The following ANXA10 variants were observed in gnomAD, a reference collection of about 807,000 sequenced individuals.
ANXA10 encodes annexin 14.
A neutral mutation model predicts 53.5 loss-of-function variants in ANXA10; 49 were observed. The observed-to-expected ratio is 0.92, with a 90% CI of 0.73 to 1.16. The LOEUF is 1.16. Among genes scored for constraint, ANXA10 ranks in the 50% most tolerant of loss-of-function variants. The pLI, the probability that ANXA10 is intolerant of heterozygous loss-of-function variation, is 0.00. For synonymous variants in ANXA10, 131 were observed against 128.9 expected, an observed-to-expected ratio of 1.02 and a Z score of -0.11; for missense variants, 393 against 394.4, an observed-to-expected ratio of 1.00 and a Z score of 0.03.
At chr4:168,147,477 A>G (rs1484667410) in intron 3 of ANXA10, among the ~76,000 whole-genome samples, 1 of 152,190 alleles carries the variant, frequency 6.6e-6, no homozygotes, top group African/African-American at 2.4e-5. Context: ...GAAAGTGATC[A>G]TTAGGCTTAT....
chr4:168,112,049 T>A (rs570824664), intron 1 of ANXA10, among the ~76,000 whole-genome samples: 33 of 152,212 alleles, frequency 2.2e-4, no homozygotes, highest in African/African-American at 7.0e-4. Flanking sequence ...CCTAGCACAC[T>A]CTGGGAGGCC....
chr4:168,165,154 T>A, intron 5 of ANXA10, 93 bp from the exon 6 acceptor site: 3 of 719,482 alleles, frequency 4.2e-6, no homozygotes, highest in Non-Finnish European at 6.6e-6. Context: ...CTGGACTTTG[T>A]ACTCACAACT....
intron 1 of ANXA10, among the ~76,000 whole-genome samples, chr4:168,125,834 A>C (rs1385548242): frequency 6.6e-6 from 1 of 152,162 alleles, no homozygotes; most frequent in African/African-American, 2.4e-5. Context: ...GTGGCTGTTT[A>C]TTCTGTCTTC....
Position 168,165,296 on chromosome 4 carries a change from C to G in ANXA10, c.450C>G (p.His150Gln). ...QEDIYSETSG[H>Q]FRDTLMNLVQ... ...ACATTTATTCAGAGACCTCAGGACA[C>G]TTCAGAGATACTCTCATGAACTTGG... The change falls in exon 6 of 12, where the codon CAC becomes CAG. Residue 150 changes from histidine (H) to glutamine (Q), a missense_variant. His to Gln is a conservative substitution (Grantham distance 24). Coordinates refer to ENST00000359299, the MANE Select transcript of ANXA10 (RefSeq NM_007193.5). The G allele has an allele frequency of 6.3e-7, 1 of 1,588,462 alleles. No individual in the cohort carries two copies. Among genetic ancestry groups the G allele is most frequent in the East Asian group, 2.3e-5 (1 of 44,190 alleles).
At chr4:168,172,572 A>T (rs1732034247) in intron 6 of ANXA10, among the ~76,000 whole-genome samples, 1 of 152,162 alleles carries the variant, frequency 6.6e-6, no homozygotes, top group Admixed American at 6.5e-5. Context: ...GCCAAGCATG[A>T]TTTTAGATAA....
chr4:168,119,726 T>C (rs564440740), intron 1 of ANXA10, among the ~76,000 whole-genome samples: 20 of 152,258 alleles, frequency 1.3e-4, no homozygotes, highest in East Asian at 3.9e-4. Flanking sequence ...CTTTGAGAAA[T>C]AGAAAGTACT....
intron 1 of ANXA10, among the ~76,000 whole-genome samples, chr4:168,094,076 G>C (rs1382127889): frequency 2.0e-5 from 3 of 151,962 alleles, no homozygotes; most frequent in Non-Finnish European, 2.9e-5. Flanking sequence ...AGTTATTTGG[G>C]AGTAATTACT....
intron 5 of ANXA10, 181 bp from the exon 6 acceptor site, chr4:168,165,066 T>G: frequency 2.5e-6 from 1 of 392,512 alleles, no homozygotes; most frequent in African/African-American, 2.1e-5. Context: ...AGTCCTGTGC[T>G]TATGTTACCA....
At chr4:168,105,409 C>G (rs1730704772) in intron 1 of ANXA10, among the ~76,000 whole-genome samples, 1 of 152,020 alleles carries the variant, frequency 6.6e-6, no homozygotes, top group African/African-American at 2.4e-5. Context: ...AGCATAATGG[C>G]CTCCAGCTCC....
At chr4:168,168,877 A>G (rs78484462) in intron 6 of ANXA10, among the ~76,000 whole-genome samples, 5,029 of 152,340 alleles carry the variant, frequency 0.033, 114 homozygotes, top group Non-Finnish European at 0.049. Flanking sequence ...GGAAGCATAT[A>G]TAAACAAAGA....
chr4:168,096,926 A>ATATATATATATATATATATG (rs371811709), intron 1 of ANXA10, among the ~76,000 whole-genome samples: 2,092 of 129,698 alleles, frequency 0.016, 29 homozygotes, highest in Middle Eastern at 0.024. Context: ...ATATATATAT[A>ATATATATATATATATATATG]TATGTATGTA....
At chr4:168,099,519 C>T (rs761942852) in intron 1 of ANXA10, among the ~76,000 whole-genome samples, 5 of 152,100 alleles carry the variant, frequency 3.3e-5, no homozygotes, top group Admixed American at 6.6e-5. Context: ...CATGAACCCT[C>T]AGTGAAAGGT....
intron 1 of ANXA10, among the ~76,000 whole-genome samples, chr4:168,109,413 A>AT (rs765872844): frequency 3.9e-5 from 6 of 152,156 alleles, no homozygotes; most frequent in Non-Finnish European, 7.4e-5. Context: ...TAGCTATTAC[A>AT]TTTTTTAAAT....
intron 6 of ANXA10, among the ~76,000 whole-genome samples, chr4:168,169,864 C>A (rs1222835781): frequency 6.6e-6 from 1 of 152,140 alleles, no homozygotes; most frequent in Admixed American, 6.6e-5. Context: ...TATAAACCAC[C>A]TAAAATAACT....
intron 1 of ANXA10, among the ~76,000 whole-genome samples, chr4:168,106,890 G>GA (rs1384835866): frequency 2.0e-5 from 3 of 151,960 alleles, no homozygotes; most frequent in East Asian, 1.9e-4. Flanking sequence ...TTCCCAATCA[G>GA]AAAAAAGAAA....
intron 1 of ANXA10, among the ~76,000 whole-genome samples, chr4:168,096,322 G>T (rs921864941): frequency 2.0e-5 from 3 of 152,130 alleles, no homozygotes; most frequent in African/African-American, 7.2e-5. Context: ...ACTTCAGATT[G>T]CTTTTCACTA....
In ANXA10 at chr4:168,181,456, A is replaced by G. The variant is rs1732244128; in HGVS notation, c.725-227A>G. Among the ~76,000 whole-genome samples the G allele has an allele frequency of 5.3e-5, 8 of 151,968 alleles. No individual in the cohort carries two copies. In the South Asian group the frequency reaches 1.7e-3, roughly 32 times the overall value. Reference sequence around the variant, plus strand: ...TAGGCTACATGAAGGAACTAACAAGAGTTCCAACAGATAGAAATAGACCAA... The same window carrying G: ...TAGGCTACATGAAGGAACTAACAAGGGTTCCAACAGATAGAAATAGACCAA... On this transcript the variant is annotated intron_variant, in intron 9 of 11. Coordinates refer to ENST00000359299, the MANE Select transcript of ANXA10 (RefSeq NM_007193.5).
chr4:168,143,099 C>T (rs1306160780), intron 3 of ANXA10, among the ~76,000 whole-genome samples: 1 of 152,066 alleles, frequency 6.6e-6, no homozygotes, highest in Non-Finnish European at 1.5e-5. Flanking sequence ...TAAAATGAAT[C>T]TACACCAATT....
chr4:168,104,770 ATTG>A (rs1389061364), intron 1 of ANXA10, among the ~76,000 whole-genome samples: 1 of 151,714 alleles, frequency 6.6e-6, no homozygotes, highest in Admixed American at 6.6e-5. Flanking sequence ...TATCAATTTC[ATTG>A]TTGTCCAAAT....
Sources: gnomAD v4.1 joint callset for allele counts (sites outside exome capture counted in the v4.1 genomes callset) on GRCh38, gnomAD v4.1.1 for gene constraint, MANE v1.5 for transcripts, NCBI Gene and HGNC (gene_info 2026-07-23, HGNC 2026-07-21) for gene names.